Variants in OR51B5 observed in about 807,000 individuals in gnomAD.
The protein encoded by OR51B5 is olfactory receptor 51B5.
For missense variants in OR51B5, 456 were observed against 374.6 expected, an observed-to-expected ratio of 1.22 and a Z score of -1.79; for synonymous variants, 186 against 144.8, an observed-to-expected ratio of 1.28 and a Z score of -2.04.
chr11:5,346,864 C>T (rs1335352210), upstream of OR51B5: 1 of 152,104 alleles, frequency 6.6e-6, no homozygotes, highest in Non-Finnish European at 1.5e-5. Context: ...GAGCAGGGTT[C>T]TTGTGTCTTA....
chr11:5,436,406 T>C (rs2133772354), intron 1 of OR51B5, among the ~76,000 whole-genome samples: 1 of 152,328 alleles, frequency 6.6e-6, no homozygotes, highest in South Asian at 2.1e-4. Flanking sequence ...GTTAATGGTC[T>C]TTCAGCTCTC....
intron 1 of OR51B5, among the ~76,000 whole-genome samples, chr11:5,377,361 A>G (rs1161077172): frequency 1.3e-5 from 2 of 152,208 alleles, no homozygotes; most frequent in Non-Finnish European, 2.9e-5. Flanking sequence ...ATCATACTGA[A>G]TGGGCAAAAA....
At chr11:5,420,518 T>C (rs1173319089) in intron 1 of OR51B5, among the ~76,000 whole-genome samples, 1 of 151,924 alleles carries the variant, frequency 6.6e-6, no homozygotes, top group East Asian at 1.9e-4. Flanking sequence ...TTTAAGATAG[T>C]AATCTCTTCC....
intron 1 of OR51B5, among the ~76,000 whole-genome samples, chr11:5,487,774 T>C (rs968009148): frequency 6.6e-6 from 1 of 152,198 alleles, no homozygotes. Context: ...CCAGCCATTA[T>C]AGTGGTGGAT....
intron 1 of OR51B5, chr11:5,402,624 T>G (rs1327404899): frequency 2.1e-6 from 1 of 470,830 alleles, no homozygotes; most frequent in Non-Finnish European, 4.4e-6. Context: ...CTCTTTGGGG[T>G]TTTTACCTAC....
In OR51B5 at chr11:5,492,424, G is replaced by T. The variant is rs73392143; in HGVS notation, n.84+13145C>A. On this transcript the variant is annotated intron_variant and non_coding_transcript_variant, in intron 1 of 4. Coordinates refer to the OR51B5 transcript ENST00000415970. ...TCAGCAGCAGAGAGACACTCAATTT[G>T]CTCTTATTATAAATATATTAATAGA... Among the ~76,000 whole-genome samples, 1,021 of 152,148 alleles carry T rather than the reference G, an allele frequency of 6.7e-3. 8 individuals carry two copies. The highest frequency in any genetic ancestry group is 0.024 in the African/African-American group (977 of 41,514).
At chr11:5,481,503 G>A (rs1449614464) in intron 1 of OR51B5, among the ~76,000 whole-genome samples, 1 of 142,944 alleles carries the variant, frequency 7.0e-6, no homozygotes, top group Non-Finnish European at 1.5e-5. Flanking sequence ...TGGAAGTTCT[G>A]GCCAGGGCAA....
At chr11:5,343,025 C>T (rs1453862473) in exon 1 of OR51B5, 1 of 1,613,584 alleles carries the variant, frequency 6.2e-7, no homozygotes, top group East Asian at 2.2e-5. Context: ...ATGGGAGTGA[C>T]AATACAGAAA....
At chr11:5,389,540 A>C (rs769009124) in intron 1 of OR51B5, 1 of 1,613,906 alleles carries the variant, frequency 6.2e-7, no homozygotes, top group South Asian at 1.1e-5. Context: ...CTTTATGTAC[A>C]TGGTTGCCAT....
intron 1 of OR51B5, chr11:5,389,535 T>C: frequency 2.5e-6 from 4 of 1,614,026 alleles, no homozygotes; most frequent in Non-Finnish European, 3.4e-6. Flanking sequence ...TTTTTCTTTA[T>C]GTACATGGTT....
intron 1 of OR51B5, among the ~76,000 whole-genome samples, chr11:5,488,301 G>A (rs936710380): frequency 6.6e-6 from 1 of 152,124 alleles, no homozygotes; most frequent in African/African-American, 2.4e-5. Context: ...TAGAGAGGAG[G>A]AAAATAAAGG....
At chr11:5,474,507 T>TTC (rs1851275521) in intron 1 of OR51B5, among the ~76,000 whole-genome samples, 2 of 152,198 alleles carry the variant, frequency 1.3e-5, no homozygotes, top group Non-Finnish European at 2.9e-5. Context: ...AATAAATTGT[T>TTC]TTTGGAGATT....
chr11:5,388,986 C>T (rs981911293), intron 1 of OR51B5, among the ~76,000 whole-genome samples: 1 of 151,922 alleles, frequency 6.6e-6, no homozygotes, highest in Admixed American at 6.6e-5. Flanking sequence ...TTGCTAGAGT[C>T]TGGAAATCAA....
chr11:5,381,888 G>A (rs1237783968), intron 1 of OR51B5, among the ~76,000 whole-genome samples: 1 of 152,120 alleles, frequency 6.6e-6, no homozygotes, highest in African/African-American at 2.4e-5. Flanking sequence ...AAAAAAGTAA[G>A]CAAATATTAG....
chr11:5,461,868 G>T (rs898281487), intron 1 of OR51B5, among the ~76,000 whole-genome samples: 9 of 152,146 alleles, frequency 5.9e-5, no homozygotes, highest in African/African-American at 2.2e-4. Flanking sequence ...GCCTGTTTCA[G>T]CATCCTCCTG....
chr11:5,412,298 G>A (rs972368348), intron 1 of OR51B5, among the ~76,000 whole-genome samples: 1 of 152,142 alleles, frequency 6.6e-6, no homozygotes, highest in African/African-American at 2.4e-5. Context: ...AAAAAGCATC[G>A]AACCGGGAGG....
chr11:5,343,671 A>T (rs1213157200), upstream of OR51B5: 2 of 534,766 alleles, frequency 3.7e-6, no homozygotes, highest in East Asian at 6.0e-5. Flanking sequence ...TTGTTTCTCA[A>T]AATACATTCT....
chr11:5,492,989 A>G (rs781625871), intron 1 of OR51B5, among the ~76,000 whole-genome samples: 2 of 152,180 alleles, frequency 1.3e-5, no homozygotes, highest in Non-Finnish European at 2.9e-5. Context: ...TAATGTCTTT[A>G]TCTGGAAACA....
rs868569219 is a variant in OR51B5, at chr11:5,465,155, G to A, written n.84+40414C>T. Among the ~76,000 whole-genome samples, 737 of 125,628 alleles carry A rather than the reference G, an allele frequency of 5.9e-3. 8 individuals are homozygous for A. The highest frequency in any genetic ancestry group is 0.02 in the African/African-American group (655 of 33,244). 82.4% of individuals were successfully genotyped at this position (125,628 alleles called of 152,430 possible). ...CGGGAGGCGGAGCTTGCAGTGAGCC[G>A]AGATCCCGCCACTGCACTCCAGCCT... is the stretch of plus-strand genomic sequence containing the variant. On this transcript the variant is annotated intron_variant and non_coding_transcript_variant, in intron 1 of 4. Coordinates refer to the OR51B5 transcript ENST00000415970.
Sources: gnomAD v4.1 joint callset for allele counts (sites outside exome capture counted in the v4.1 genomes callset) on GRCh38, gnomAD v4.1.1 for gene constraint, MANE v1.5 for transcripts, NCBI Gene and HGNC (gene_info 2026-07-23, HGNC 2026-07-21) for gene names.